The following CFAP20DC variants were observed in gnomAD, a reference collection of about 807,000 sequenced individuals.
CFAP20DC encodes CFAP20 domain containing.
CFAP20DC carries 84 observed loss-of-function variants against 101.7 expected under a neutral mutation model. The ratio of observed to expected loss-of-function variants is 0.83; its 90% CI spans 0.69 to 0.99. The LOEUF (loss-of-function observed/expected upper bound fraction) is 0.99. Ranked by LOEUF, CFAP20DC falls within the 50% of genes least tolerant of loss-of-function variation. The pLI, the probability that CFAP20DC is intolerant of heterozygous loss-of-function variation, is 0.00. For synonymous variants in CFAP20DC, 359 were observed against 351.2 expected (o/e 1.02, Z -0.25); for missense variants, 1,007 against 970.3 (o/e 1.04, Z -0.50).
rs1263085663 is a variant in CFAP20DC, at chr3:58,937,715, A to C, written c.326T>G (p.Val109Gly). ...NIKRRLYLST[V>G]HKELSSTPLH... The stretch of plus-strand genomic sequence containing the variant: ...AGGGGTGGAGGATAGTTCCTTATGG[A>C]CCGTTGATAAATATAATCTTCTTTT... Residue 109 changes from valine to glycine, a missense_variant, in exon 5 of 17, where the codon GTC (valine) becomes GGC (glycine). Coordinates refer to ENST00000482387, the MANE Select transcript of CFAP20DC (RefSeq NM_001394063.1). 1 of 1,612,332 alleles carries C rather than the reference A, an allele frequency of 6.2e-7. No homozygotes were observed. The highest frequency in any genetic ancestry group is 1.1e-5 in the South Asian group (1 of 91,002).
intron 13 of CFAP20DC, among the ~76,000 whole-genome samples, chr3:58,846,602 C>T (rs1345606846): frequency 1.2e-3 from 183 of 149,860 alleles, no homozygotes; most frequent in African/African-American, 4.2e-3. Context: ...AGGTAATTTA[C>T]AGATTCAATG....
At chr3:59,017,590 C>T (rs1206958379) in intron 4 of CFAP20DC, 1 of 152,068 alleles carries the variant, frequency 6.6e-6, no homozygotes, top group African/African-American at 2.4e-5. Flanking sequence ...AACAAAAAAC[C>T]CTACATCCAT....
chr3:58,876,248 C>G (rs773922978), intron 7 of CFAP20DC, among the ~76,000 whole-genome samples: 5 of 152,024 alleles, frequency 3.3e-5, no homozygotes, highest in Non-Finnish European at 7.4e-5. Context: ...TATTAATTGT[C>G]ACAATTATCT....
Position 58,913,698 on chromosome 3 carries a change from C to G in CFAP20DC, c.550+10G>C. On this transcript the variant is annotated intron_variant, in intron 6 of 16. Coordinates refer to ENST00000482387, the MANE Select transcript of CFAP20DC (RefSeq NM_001394063.1). This position sits in a 1 kb window ranked among gnomAD's most constrained non-coding sequence, Gnocchi z 4.4. ...AGAATTAAAAAATCTTGATAGCAACCTGAACATACCATCCTTATCAGCAGT... is the reference window on the plus strand; with the variant it reads ...AGAATTAAAAAATCTTGATAGCAACGTGAACATACCATCCTTATCAGCAGT... The G allele has an allele frequency of 6.2e-7, 1 of 1,613,270 alleles. No homozygotes were observed. The highest frequency in any genetic ancestry group is 8.5e-7 in the Non-Finnish European group (1 of 1,179,504).
At chr3:58,763,284 C>G (rs983255876) in intron 15 of CFAP20DC, among the ~76,000 whole-genome samples, 1 of 152,102 alleles carries the variant, frequency 6.6e-6, no homozygotes, top group African/African-American at 2.4e-5. Flanking sequence ...TCATTTCATT[C>G]ATTTGATCTT....
chr3:58,885,272 CTTA>C (rs1389321467), intron 6 of CFAP20DC, among the ~76,000 whole-genome samples: 5 of 151,952 alleles, frequency 3.3e-5, no homozygotes, highest in Admixed American at 2.0e-4. Flanking sequence ...AAAATAATAG[CTTA>C]TTATACTTAT....
In CFAP20DC at chr3:58,914,382, G is replaced by GT. The variant is rs1466389069; in HGVS notation, c.394-519dup. ...GGAAACAGATTCTTCTAAAGAATTT[G>GT]TAATTATGCTGGGTATTTGCCAGTT... is the stretch of plus-strand genomic sequence containing the variant. On this transcript the variant is annotated intron_variant, in intron 5 of 16. Coordinates refer to ENST00000482387, the MANE Select transcript of CFAP20DC (RefSeq NM_001394063.1). The surrounding 1 kb of genome is among the most constrained non-coding windows in gnomAD (Gnocchi z 4.9). Among the ~76,000 whole-genome samples the GT allele has an allele frequency of 2.6e-5, 4 of 152,148 alleles. No homozygotes were observed. Among genetic ancestry groups the GT allele is most frequent in the Admixed American group, 2.6e-4 (4 of 15,260 alleles).
chr3:58,797,909 T>A (rs2073376272), intron 15 of CFAP20DC, among the ~76,000 whole-genome samples: 1 of 152,168 alleles, frequency 6.6e-6, no homozygotes, highest in Non-Finnish European at 1.5e-5. Flanking sequence ...TGAAGGCACA[T>A]CTGCTTATAG....
At chr3:59,020,580 T>C (rs541766062) in intron 4 of CFAP20DC, among the ~76,000 whole-genome samples, 2 of 152,178 alleles carry the variant, frequency 1.3e-5, no homozygotes, top group East Asian at 3.9e-4. Flanking sequence ...TAGTAGGTTA[T>C]CACTGTTCAC....
In CFAP20DC at chr3:58,914,267, G is replaced by A. The variant is rs528298742; in HGVS notation, c.394-403C>T. Among the ~76,000 whole-genome samples, 10 of 152,226 alleles carry A rather than the reference G, an allele frequency of 6.6e-5. No homozygotes were observed. The South Asian group carries it at 1.5e-3, about 22-fold the overall frequency. ...CTAATTTGATCACAATTAGCCACTC[G>A]TATTTGTTGAAAAAGGCATGGATGA... On this transcript the variant is annotated intron_variant, in intron 5 of 16. Transcript: ENST00000482387. This position sits in a 1 kb window ranked among gnomAD's most constrained non-coding sequence, Gnocchi z 4.9.
At chr3:59,020,875 G>C (rs2093790672) in intron 4 of CFAP20DC, among the ~76,000 whole-genome samples, 1 of 152,096 alleles carries the variant, frequency 6.6e-6, no homozygotes, top group African/African-American at 2.4e-5. Flanking sequence ...TATAGATAAA[G>C]CAGAGCTTCA....
At chr3:58,918,175 G>A (rs567628680) in intron 5 of CFAP20DC, among the ~76,000 whole-genome samples, 3 of 152,176 alleles carry the variant, frequency 2.0e-5, no homozygotes, top group African/African-American at 7.2e-5. Flanking sequence ...CTTCAACTCT[G>A]GAGTTGAAGT....
rs1258668590 is a variant in CFAP20DC at position 58,890,335 on chromosome 3, G to A, written c.551-5626C>T. ...TGACCCCCCCACCTCCCTCCCGGACGGGGCGGCTGGCCGGGCAGAGGGGCT... is the reference window on the plus strand; with the variant it reads ...TGACCCCCCCACCTCCCTCCCGGACAGGGCGGCTGGCCGGGCAGAGGGGCT... On this transcript the variant is annotated intron_variant, in intron 6 of 16. Transcript: ENST00000482387. Among the ~76,000 whole-genome samples, 558 of 142,968 alleles carry A rather than the reference G, an allele frequency of 3.9e-3. 5 individuals are homozygous for A. The highest frequency in any genetic ancestry group is 0.014 in the African/African-American group (533 of 38,144). 93.8% of individuals were successfully genotyped at this position (142,968 alleles called of 152,430 possible).
chr3:58,979,515 T>G (rs1369364059), intron 4 of CFAP20DC, among the ~76,000 whole-genome samples: 1 of 152,202 alleles, frequency 6.6e-6, no homozygotes, highest in Non-Finnish European at 1.5e-5. Flanking sequence ...TTAATCCAGC[T>G]TTCCACAAAA....
rs1363124797 is a variant in CFAP20DC at position 59,001,093 on chromosome 3, A to T, written c.278+38464T>A. Among the ~76,000 whole-genome samples, 1 of 152,202 alleles carries T rather than the reference A, an allele frequency of 6.6e-6. No individual in the cohort carries two copies. The highest frequency in any genetic ancestry group is 6.5e-5 in the Admixed American group (1 of 15,282). ...TGCATATTGGAATTACAGCAGTAAG[A>T]GTTAGTAAAGAGAGCAAATTCAAAG... is the stretch of plus-strand genomic sequence containing the variant. On this transcript the variant is annotated intron_variant, in intron 4 of 16. Coordinates refer to ENST00000482387, the MANE Select transcript of CFAP20DC (RefSeq NM_001394063.1). This position sits in a 1 kb window ranked among gnomAD's most constrained non-coding sequence, Gnocchi z 4.5.
Position 58,742,388 on chromosome 3 carries a change from A to T in CFAP20DC, c.*72T>A. 7.2e-7 allele frequency: 1 copy of T among 1,383,880 alleles called. No homozygotes were observed. The highest frequency in any genetic ancestry group is 9.4e-7 in the Non-Finnish European group (1 of 1,059,724). 85.7% of individuals were successfully genotyped at this position (1,383,880 alleles called of 1,614,324 possible). On this transcript the variant is annotated 3_prime_UTR_variant, in exon 17 of 17. Coordinates refer to ENST00000482387, the MANE Select transcript of CFAP20DC (RefSeq NM_001394063.1). ...GTCACCCAACACATAAGTTGTGGTG[A>T]CTCCTTAAGCGACCCTGAACTGCTA...
chr3:59,016,990 A>G (rs191159409), intron 4 of CFAP20DC, among the ~76,000 whole-genome samples: 29 of 152,142 alleles, frequency 1.9e-4, no homozygotes, highest in African/African-American at 6.7e-4. Flanking sequence ...TCACAAACCA[A>G]TGTTTCCTAT....
intron 4 of CFAP20DC, among the ~76,000 whole-genome samples, chr3:58,969,767 G>A (rs2091836767): frequency 6.6e-6 from 1 of 152,106 alleles, no homozygotes; most frequent in Non-Finnish European, 1.5e-5. Context: ...CTAAGTGAAA[G>A]AAGCCAGACA....
At chr3:58,794,917 GTTTAAATGACAGGGAA>G (rs938506506) in intron 15 of CFAP20DC, among the ~76,000 whole-genome samples, 1 of 152,196 alleles carries the variant, frequency 6.6e-6, no homozygotes, top group Admixed American at 6.5e-5. Flanking sequence ...GGGGTTCCCT[GTTTAAATGACAGGGAA>G]GCTATCCTGT....
Sources: allele counts gnomAD v4.1 joint callset (sites outside exome capture counted in the v4.1 genomes callset), GRCh38; gene constraint gnomAD v4.1.1; non-coding constraint Gnocchi (gnomAD v3.1); transcripts MANE v1.5; gene names NCBI Gene and HGNC (gene_info 2026-07-23, HGNC 2026-07-21).